Variants in SETBP1 observed in about 807,000 individuals in gnomAD.
SETBP1 encodes SET-binding protein.
A neutral mutation model predicts 101.0 loss-of-function variants in SETBP1; 9 were observed. The ratio of observed to expected loss-of-function variants is 0.09; its 90% CI spans 0.05 to 0.16. The LOEUF is 0.16. Ranked by LOEUF, SETBP1 falls within the 10% of genes least tolerant of loss-of-function variation. The probability of loss-of-function intolerance (pLI) is 1.00; values close to 1 mark genes in which losing one functional copy is unlikely to be tolerated. For synonymous variants in SETBP1, 818 were observed against 788.5 expected (o/e 1.04, Z -0.63); for missense variants, 1,858 against 2,033.8 (o/e 0.91, Z 1.66).
intron 2 of SETBP1, among the ~76,000 whole-genome samples, chr18:44,789,621 G>T (rs141128491): frequency 2.0e-5 from 3 of 152,102 alleles, no homozygotes; most frequent in South Asian, 4.2e-4. Flanking sequence ...ACCTCCCTGC[G>T]CTCTCGCTCC....
At chr18:44,761,024 G>A (rs2070628950) in intron 2 of SETBP1, among the ~76,000 whole-genome samples, 1 of 152,118 alleles carries the variant, frequency 6.6e-6, no homozygotes, top group African/African-American at 2.4e-5. Context: ...TATCTACTGT[G>A]TACCAGAGAT....
At chr18:44,958,475 C>A (rs188824180) in intron 4 of SETBP1, among the ~76,000 whole-genome samples, 7 of 152,238 alleles carry the variant, frequency 4.6e-5, no homozygotes, top group South Asian at 2.1e-4. Context: ...ACAGACAGGG[C>A]ACACTTGGAT....
intron 4 of SETBP1, among the ~76,000 whole-genome samples, chr18:45,005,281 G>C (rs2072700661): frequency 6.6e-6 from 1 of 152,152 alleles, no homozygotes; most frequent in Non-Finnish European, 1.5e-5. Flanking sequence ...TCACCACAAG[G>C]TAAGTGAAAG....
At position 45,063,406 on chromosome 18, in the gene SETBP1, C is replaced by G; in HGVS notation, c.4499C>G (p.Ala1500Gly). Residue 1500 changes from alanine to glycine, a missense_variant, in exon 6 of 6, where the codon GCC (alanine) becomes GGC (glycine). Physicochemically the swap from Ala to Gly is moderately conservative, Grantham distance 60. Transcript: ENST00000649279. ...AGCCCGCTGGTGCTGGAGCCCGCCGCCAGCCAAGACACCATCATGGCCACC... is the reference window on the plus strand; with the variant it reads ...AGCCCGCTGGTGCTGGAGCCCGCCGGCAGCCAAGACACCATCATGGCCACC... The part of the protein sequence containing the change: ...SLSPLVLEPA[A>G]SQDTIMATIE... 1 of 1,534,658 alleles carries G rather than the reference C, an allele frequency of 6.5e-7. No homozygotes were observed. Among genetic ancestry groups the G allele is most frequent in the Non-Finnish European group, 8.8e-7 (1 of 1,139,902 alleles).
At chr18:44,833,823 T>C (rs1282554980) in intron 2 of SETBP1, among the ~76,000 whole-genome samples, 2 of 152,246 alleles carry the variant, frequency 1.3e-5, no homozygotes, top group African/African-American at 4.8e-5. Context: ...TAAAGGATCT[T>C]TTAAATTACA....
At chr18:44,746,260 A>T (rs553282164) in intron 2 of SETBP1, among the ~76,000 whole-genome samples, 1 of 152,344 alleles carries the variant, frequency 6.6e-6, no homozygotes, top group South Asian at 2.1e-4. Flanking sequence ...TTGGAGAGAA[A>T]GGAGTGGATC....
At chr18:44,789,739 T>A (rs1206186173) in intron 2 of SETBP1, among the ~76,000 whole-genome samples, 1 of 152,238 alleles carries the variant, frequency 6.6e-6, no homozygotes, top group Non-Finnish European at 1.5e-5. Flanking sequence ...ATGGATATTG[T>A]GCTTTTAGTA....
In SETBP1 at chr18:44,701,850, A is replaced by G. The variant is rs1003871426; in HGVS notation, c.486+18A>G. 2 of 1,609,756 alleles carry G rather than the reference A, an allele frequency of 1.2e-6. No homozygotes were observed. The highest frequency in any genetic ancestry group is 1.3e-5 in the African/African-American group (1 of 75,026). On this transcript the variant is annotated intron_variant, in intron 2 of 5. Transcript: ENST00000649279. Reference sequence around the variant, plus strand: ...AAAAGAAGGTAGGAAGCCCTGTCTTATGGTTGTTTTTGTTTGTTTCTCTGT... The same window carrying G: ...AAAAGAAGGTAGGAAGCCCTGTCTTGTGGTTGTTTTTGTTTGTTTCTCTGT...
At chr18:44,924,252 T>C (rs2144949128) in intron 3 of SETBP1, among the ~76,000 whole-genome samples, 1 of 152,262 alleles carries the variant, frequency 6.6e-6, no homozygotes, top group African/African-American at 2.4e-5. Context: ...CAGGCTCCTG[T>C]CACTCTGTCC....
At chr18:44,929,158 G>C (rs2070768775) in intron 3 of SETBP1, among the ~76,000 whole-genome samples, 2 of 152,284 alleles carry the variant, frequency 1.3e-5, no homozygotes, top group Non-Finnish European at 2.9e-5. Flanking sequence ...CATATGGCTA[G>C]CCAGTTTTCC....
At chr18:44,713,438 CT>C (rs1046500547) in intron 2 of SETBP1, among the ~76,000 whole-genome samples, 2 of 152,132 alleles carry the variant, frequency 1.3e-5, no homozygotes, top group Non-Finnish European at 1.5e-5. Flanking sequence ...TTTCCAGTTC[CT>C]GAAAGTGTTC....
chr18:45,045,832 G>A (rs1056647275), intron 5 of SETBP1, among the ~76,000 whole-genome samples: 2 of 152,110 alleles, frequency 1.3e-5, no homozygotes, highest in African/African-American at 4.8e-5. Flanking sequence ...AGTTTGACAA[G>A]TGGGTGCTGT....
chr18:45,026,145 A>G (rs1276880358), intron 4 of SETBP1, among the ~76,000 whole-genome samples: 1 of 152,250 alleles, frequency 6.6e-6, no homozygotes, highest in Non-Finnish European at 1.5e-5. Context: ...TCACATTAGG[A>G]AGAATCTAGA....
rs1305983992 is a variant in SETBP1 at position 44,824,342 on chromosome 18, C to G, written c.487-44888C>G. ...AGTCTCTAGCACTCTACCCTGATACCTGCTTATTTACTGCACATAACATGG... is the reference window on the plus strand; with the variant it reads ...AGTCTCTAGCACTCTACCCTGATACGTGCTTATTTACTGCACATAACATGG... On this transcript the variant is annotated intron_variant, in intron 2 of 5. Transcript: ENST00000649279. 2.0e-5 allele frequency among the ~76,000 whole-genome samples: 3 copies of G among 152,122 alleles called. No individual in the cohort carries two copies. The East Asian group carries it at 5.8e-4, about 29-fold the overall frequency.
chr18:44,834,239 T>C (rs1181585888), intron 2 of SETBP1, among the ~76,000 whole-genome samples: 4 of 152,200 alleles, frequency 2.6e-5, no homozygotes, highest in Admixed American at 2.6e-4. Flanking sequence ...CCAAGAGGGC[T>C]GGGGCCTCAT....
At chr18:44,865,154 G>C (rs2069101451) in intron 2 of SETBP1, among the ~76,000 whole-genome samples, 1 of 152,186 alleles carries the variant, frequency 6.6e-6, no homozygotes, top group African/African-American at 2.4e-5. Flanking sequence ...AGGGTTAGCA[G>C]ACTTAACCAA....
chr18:44,929,875 C>T (rs1469292787), intron 3 of SETBP1, among the ~76,000 whole-genome samples: 2 of 152,208 alleles, frequency 1.3e-5, no homozygotes, highest in Admixed American at 6.5e-5. Flanking sequence ...ATCATGTCAT[C>T]TGCAAACAGG....
In SETBP1 at chr18:44,952,879, G is replaced by C. The variant is rs768609937; in HGVS notation, c.3539G>C (p.Gly1180Ala). 4 of 1,614,036 alleles carry C rather than the reference G, an allele frequency of 2.5e-6. No individual in the cohort carries two copies. In the African/African-American group the frequency reaches 4.0e-5, roughly 16 times the overall value. Reference sequence around the variant, plus strand: ...GGTCTTTTTGCAGGCAAAGCCACAGGCTTCTCCAGCCACATCCTGAGCGAG... The same window carrying C: ...GGTCTTTTTGCAGGCAAAGCCACAGCCTTCTCCAGCCACATCCTGAGCGAG... Reference protein sequence around the residue: ...LSGLFAGKATGFSSHILSERL... With the variant: ...LSGLFAGKATAFSSHILSERL... The change falls in exon 4 of 6, where the codon GGC (glycine) becomes GCC (alanine). Residue 1180 changes from glycine to alanine, a missense_variant. By Grantham distance (60) the Gly-to-Ala change is moderately conservative. Coordinates refer to ENST00000649279, the MANE Select transcript of SETBP1 (RefSeq NM_015559.3).
At chr18:44,680,864 G>C (rs1031565094), upstream of SETBP1, 1 of 83,342 alleles carries the variant, frequency 1.2e-5, no homozygotes, top group African/African-American at 6.0e-5. Context: ...GGGTGGGAAG[G>C]CAGGATTTTT....
Sources: gnomAD v4.1 joint callset for allele counts (sites outside exome capture counted in the v4.1 genomes callset) on GRCh38, gnomAD v4.1.1 for gene constraint, MANE v1.5 for transcripts, NCBI Gene and HGNC (gene_info 2026-07-23, HGNC 2026-07-21) for gene names.